HYAL4: variants seen among roughly 807,000 people sequenced by gnomAD.
The protein encoded by HYAL4 is hyaluronidase 4, also known as hyaluronidase-4.
HYAL4 carries 37 observed loss-of-function variants against 35.2 expected under a neutral mutation model. The ratio of observed to expected loss-of-function variants is 1.05; its 90% CI spans 0.81 to 1.38. The LOEUF is 1.38. HYAL4 is among the 40% of genes most tolerant of loss of function. HYAL4 has a pLI of 0.00. For synonymous variants in HYAL4, 198 were observed against 203.2 expected (o/e 0.97, Z 0.22); for missense variants, 572 against 572.4 (o/e 1.00, Z 0.01).
chr7:123,800,386 G>T, the HYAL4 span, among the ~76,000 whole-genome samples: 47 of 148,970 alleles, frequency 3.2e-4, no homozygotes, highest in African/African-American at 1.1e-3. Flanking sequence ...AGCCAGGATG[G>T]TCTCGATCTC....
intron 2 of HYAL4, among the ~76,000 whole-genome samples, chr7:123,854,025 T>C (rs1806373829): frequency 6.6e-6 from 1 of 152,200 alleles, no homozygotes; most frequent in African/African-American, 2.4e-5. Flanking sequence ...GAGGTGTTTA[T>C]AGTATTTTCT....
the HYAL4 span, among the ~76,000 whole-genome samples, chr7:123,806,100 T>C: frequency 6.6e-6 from 1 of 152,176 alleles, no homozygotes; most frequent in East Asian, 1.9e-4. Context: ...GAAGGAGTTA[T>C]ACCATCTGAT....
At chr7:123,771,804 G>GTTT in the HYAL4 span, among the ~76,000 whole-genome samples, 2 of 136,726 alleles carry the variant, frequency 1.5e-5, no homozygotes, top group African/African-American at 5.4e-5. Flanking sequence ...TTGGTTTGAG[G>GTTT]TTTTTTTTTT....
chr7:123,857,709 C>CT (rs1806484577), intron 2 of HYAL4, among the ~76,000 whole-genome samples: 1 of 150,962 alleles, frequency 6.6e-6, no homozygotes, highest in East Asian at 2.0e-4. Flanking sequence ...TTCTTTCTTT[C>CT]TTTCTTTCTT....
chr7:123,813,027 C>T, the HYAL4 span, among the ~76,000 whole-genome samples: 4 of 152,132 alleles, frequency 2.6e-5, no homozygotes, highest in East Asian at 1.9e-4. Flanking sequence ...AGAGAGCATA[C>T]GACTTGAACT....
Position 123,868,700 on chromosome 7 carries a change from GTT to G in HYAL4, c.428_429del (p.Val143AspfsTer41). On this transcript the variant is annotated frameshift_variant, in exon 3 of 5. Coordinates refer to ENST00000223026, the MANE Select transcript of HYAL4 (RefSeq NM_012269.3). LOFTEE classifies it high-confidence loss of function. ...IPAEDFSGLA[V>X]IDWEYWRPQW... ...TGCTGAAGATTTCAGTGGACTTGCTGTTATAGATTGGGAATATTGGCGACCAC... is the reference window on the plus strand; with the variant it reads ...TGCTGAAGATTTCAGTGGACTTGCTGATAGATTGGGAATATTGGCGACCAC... 2 of 1,613,870 alleles carry G rather than the reference GTT, an allele frequency of 1.2e-6. No homozygotes were observed. The highest frequency in any genetic ancestry group is 1.7e-6 in the Non-Finnish European group (2 of 1,179,962).
chr7:123,775,143 C>G, the HYAL4 span, among the ~76,000 whole-genome samples: 1 of 152,098 alleles, frequency 6.6e-6, no homozygotes, highest in Non-Finnish European at 1.5e-5. Context: ...TTTAAAAATG[C>G]CTTGAGAGGC....
At chr7:123,839,294 T>C (rs906857495) in intron 1 of HYAL4, among the ~76,000 whole-genome samples, 1 of 152,192 alleles carries the variant, frequency 6.6e-6, no homozygotes, top group African/African-American at 2.4e-5. Context: ...GCTTCATCCA[T>C]GTCCCTGCAA....
intron 1 of HYAL4, among the ~76,000 whole-genome samples, chr7:123,839,514 T>C (rs1300856968): frequency 6.6e-6 from 1 of 152,254 alleles, no homozygotes; most frequent in Non-Finnish European, 1.5e-5. Context: ...ATGGGATTGC[T>C]GGGTCAAATG....
At chr7:123,771,240 T>C in the HYAL4 span, among the ~76,000 whole-genome samples, 3 of 152,232 alleles carry the variant, frequency 2.0e-5, no homozygotes, top group African/African-American at 7.2e-5. Context: ...CTTGGTACGA[T>C]GTTAACTGAA....
intron 4 of HYAL4, 44 bp from the exon 5 acceptor site, chr7:123,876,710 A>G (rs779768578): frequency 1.3e-6 from 2 of 1,548,470 alleles, no homozygotes; most frequent in East Asian, 4.5e-5. Flanking sequence ...GTACATTTCT[A>G]CCAGGGAGAA....
chr7:123,868,494 T>C lies in HYAL4; in HGVS notation c.221T>C (p.Val74Ala), dbSNP rs1806758018. 6 of 1,604,660 alleles carry C rather than the reference T, an allele frequency of 3.7e-6. No homozygotes were observed. The East Asian group carries it at 1.1e-4, about 30-fold the overall frequency. The change falls in exon 3 of 5, where the codon GTG (valine) becomes GCG (alanine). Residue 74 changes from valine (V) to alanine (A), a missense_variant. Transcript: ENST00000223026. ...AGACTAAATTTGAAAATGTTTCCTG[T>C]GATTGGAAGCCCACTGGCCAAGGCC... ...NLRLNLKMFP[V>A]IGSPLAKARG...
chr7:123,864,326 A>G (rs1278896037), intron 2 of HYAL4, among the ~76,000 whole-genome samples: 3 of 152,180 alleles, frequency 2.0e-5, no homozygotes, highest in Non-Finnish European at 2.9e-5. Flanking sequence ...TCCTTCCTAT[A>G]TATTCCCAGA....
At chr7:123,801,157 A>G in the HYAL4 span, among the ~76,000 whole-genome samples, 7 of 152,190 alleles carry the variant, frequency 4.6e-5, no homozygotes, top group Non-Finnish European at 1.5e-5. Context: ...TCTACTAAAA[A>G]TACAAAGAAT....
the HYAL4 span, among the ~76,000 whole-genome samples, chr7:123,816,536 T>A: frequency 6.6e-6 from 1 of 152,168 alleles, no homozygotes; most frequent in East Asian, 1.9e-4. Context: ...TGAGAGAAAA[T>A]GGGAGAATGA....
At chr7:123,831,775 A>G (rs1805886792) in intron 1 of HYAL4, among the ~76,000 whole-genome samples, 1 of 152,170 alleles carries the variant, frequency 6.6e-6, no homozygotes, top group Non-Finnish European at 1.5e-5. Context: ...ATTTCATTGA[A>G]TGAAAGGATG....
chr7:123,816,850 A>AT, the HYAL4 span, among the ~76,000 whole-genome samples: 5 of 151,022 alleles, frequency 3.3e-5, no homozygotes, highest in Admixed American at 6.6e-5. Context: ...TTTCCAACGC[A>AT]TTTTTTTTTA....
the HYAL4 span, among the ~76,000 whole-genome samples, chr7:123,787,107 C>CAAAAAAAAAAAAA: frequency 4.1e-5 from 2 of 49,148 alleles, no homozygotes; most frequent in African/African-American, 5.8e-5. Context: ...AACTCTGTCT[C>CAAAAAAAAAAAAA]AAAAAAAAAA....
the HYAL4 span, among the ~76,000 whole-genome samples, chr7:123,770,740 G>T: frequency 5.3e-5 from 8 of 151,740 alleles, no homozygotes; most frequent in East Asian, 1.2e-3. Context: ...TTGGGGCAAA[G>T]AATTTACATG....
Sources: gnomAD v4.1 joint callset for allele counts (sites outside exome capture counted in the v4.1 genomes callset) on GRCh38, gnomAD v4.1.1 for gene constraint, MANE v1.5 for transcripts, NCBI Gene and HGNC (gene_info 2026-07-23, HGNC 2026-07-21) for gene names.